The following TCF4 variants were observed in gnomAD, a reference collection of about 807,000 sequenced individuals.
The protein encoded by TCF4 is SL3-3 enhancer factor 2.
A neutral mutation model predicts 82.1 loss-of-function variants in TCF4; 3 were observed. That is an observed-to-expected ratio of 0.04 (90% CI 0.02 to 0.09). TCF4 has a LOEUF of 0.09. TCF4 is among the 10% of genes least tolerant of loss of function. The pLI is 1.00. For missense variants in TCF4, 518 were observed against 852.7 expected, an observed-to-expected ratio of 0.61 and a Z score of 4.89; for synonymous variants, 276 against 309.6, an observed-to-expected ratio of 0.89 and a Z score of 1.14.
intron 3 of TCF4, among the ~76,000 whole-genome samples, chr18:55,516,008 C>A (rs977396237): frequency 2.6e-5 from 4 of 152,038 alleles, no homozygotes; most frequent in Non-Finnish European, 5.9e-5. Context: ...CAAATATAGA[C>A]TTGATTAAAA....
At chr18:55,580,548 A>T (rs540860097) in intron 3 of TCF4, among the ~76,000 whole-genome samples, 12 of 152,046 alleles carry the variant, frequency 7.9e-5, no homozygotes, top group Admixed American at 7.9e-4. Context: ...AGTCACATTG[A>T]TATCTGTCAT....
chr18:55,400,918 A>G, intron 6 of TCF4: 1 of 1,275,466 alleles, frequency 7.8e-7, no homozygotes, highest in Non-Finnish European at 1.0e-6. Flanking sequence ...CTTAGGGCAC[A>G]CCATCTGAAG....
At chr18:55,556,458 A>T (rs1181453394) in intron 3 of TCF4, among the ~76,000 whole-genome samples, 1 of 152,238 alleles carries the variant, frequency 6.6e-6, no homozygotes, top group Non-Finnish European at 1.5e-5. Flanking sequence ...CAATAAGCAA[A>T]TGCAAATTCT....
At chr18:55,342,231 G>A (rs1338841158) in intron 8 of TCF4, among the ~76,000 whole-genome samples, 2 of 152,050 alleles carry the variant, frequency 1.3e-5, no homozygotes, top group Non-Finnish European at 2.9e-5. Flanking sequence ...AATAATTACT[G>A]ACTGCAGTTT....
intron 5 of TCF4, among the ~76,000 whole-genome samples, chr18:55,449,096 C>T (rs1488230987): frequency 6.6e-6 from 1 of 152,176 alleles, no homozygotes; most frequent in Non-Finnish European, 1.5e-5. Context: ...CTGGCCACAT[C>T]TCCATGAGTT....
chr18:55,263,505 G>T (rs1446787778), intron 11 of TCF4, among the ~76,000 whole-genome samples: 1 of 152,126 alleles, frequency 6.6e-6, no homozygotes, highest in Admixed American at 6.6e-5. Context: ...CCTGGCTAAG[G>T]CAGGAGAATC....
At chr18:55,520,052 C>T (rs1033468665) in intron 3 of TCF4, among the ~76,000 whole-genome samples, 1 of 152,094 alleles carries the variant, frequency 6.6e-6, no homozygotes, top group Admixed American at 6.6e-5. Context: ...CACTCATCAA[C>T]AATTGAAAGC....
At chr18:55,566,457 C>G (rs2097407780) in intron 3 of TCF4, among the ~76,000 whole-genome samples, 1 of 151,936 alleles carries the variant, frequency 6.6e-6, no homozygotes, top group African/African-American at 2.4e-5. Context: ...AATACAAAAA[C>G]TGTCATAAAT....
intron 3 of TCF4, among the ~76,000 whole-genome samples, chr18:55,469,272 T>C (rs1040813904): frequency 1.4e-4 from 21 of 152,192 alleles, no homozygotes; most frequent in African/African-American, 5.1e-4. Context: ...GAAGCCAGCC[T>C]GGCCAAAATG....
chr18:55,402,007 C>T, intron 6 of TCF4: 1 of 983,136 alleles, frequency 1.0e-6, no homozygotes, highest in Non-Finnish European at 1.2e-6. Flanking sequence ...AGACACAGCA[C>T]TCAGAGGCTT....
chr18:55,291,706 C>T (rs928960849), intron 8 of TCF4, among the ~76,000 whole-genome samples: 1 of 152,174 alleles, frequency 6.6e-6, no homozygotes, highest in African/African-American at 2.4e-5. Context: ...CAAATGCCCA[C>T]CCTCTTCCCT....
intron 3 of TCF4, among the ~76,000 whole-genome samples, chr18:55,464,932 T>C (rs1376093224): frequency 6.6e-6 from 1 of 152,190 alleles, no homozygotes; most frequent in Non-Finnish European, 1.5e-5. Context: ...AAATGTTCCA[T>C]CCACGCTCCA....
intron 3 of TCF4, among the ~76,000 whole-genome samples, chr18:55,574,039 A>T (rs1431130694): frequency 6.6e-6 from 1 of 152,218 alleles, no homozygotes; most frequent in Non-Finnish European, 1.5e-5. Flanking sequence ...CCATCTACAC[A>T]TCCAAAATTT....
At chr18:55,536,993 G>C (rs972689789) in intron 3 of TCF4, among the ~76,000 whole-genome samples, 3 of 152,108 alleles carry the variant, frequency 2.0e-5, no homozygotes, top group Admixed American at 1.3e-4. Context: ...AATTAGCCGG[G>C]TGTGGTGGCG....
intron 3 of TCF4, among the ~76,000 whole-genome samples, chr18:55,535,687 T>C (rs955051341): frequency 2.0e-5 from 3 of 152,278 alleles, no homozygotes; most frequent in Admixed American, 6.5e-5. Flanking sequence ...CACACACTAA[T>C]TGAAACAGAA....
At chr18:55,527,913 G>A (rs2146642109) in intron 3 of TCF4, among the ~76,000 whole-genome samples, 1 of 152,282 alleles carries the variant, frequency 6.6e-6, no homozygotes, top group South Asian at 2.1e-4. Context: ...CAATTGCACT[G>A]AGCCTGAACT....
chr18:55,548,689 C>A (rs1281767855), intron 3 of TCF4, among the ~76,000 whole-genome samples: 1 of 152,176 alleles, frequency 6.6e-6, no homozygotes, highest in Non-Finnish European at 1.5e-5. Flanking sequence ...ATGGCATAGC[C>A]TATTGCTCCA....
At chr18:55,260,851 T>G (rs1027481647) in intron 12 of TCF4, among the ~76,000 whole-genome samples, 1 of 152,156 alleles carries the variant, frequency 6.6e-6, no homozygotes, top group Non-Finnish European at 1.5e-5. Context: ...TGAGCCACAC[T>G]ACCTGGCCCT....
intron 7 of TCF4, 77 bp downstream of exon 7, chr18:55,350,797 C>T (rs1309582173): frequency 3.4e-5 from 54 of 1,583,614 alleles, no homozygotes; most frequent in East Asian, 1.1e-4. Flanking sequence ...GATGGGGGGG[C>T]GATATTTTAA....
Sources: allele counts gnomAD v4.1 joint callset (sites outside exome capture counted in the v4.1 genomes callset), GRCh38; gene constraint gnomAD v4.1.1; transcripts MANE v1.5; gene names NCBI Gene and HGNC (gene_info 2026-07-23, HGNC 2026-07-21).